The following SNTG2 variants were observed in gnomAD, a reference collection of about 807,000 sequenced individuals.
The protein encoded by SNTG2 is gamma-2-syntrophin.
In SNTG2, 74 loss-of-function variants were observed where a neutral mutation model predicts 70.9. The observed-to-expected ratio is 1.04, with a 90% confidence interval of 0.86 to 1.27. SNTG2 has a LOEUF of 1.27. Ranked by LOEUF, SNTG2 falls within the 50% of genes most tolerant of loss-of-function variation. The pLI, the probability that SNTG2 is intolerant of heterozygous loss-of-function variation, is 0.00. For synonymous variants in SNTG2, 278 were observed against 273.8 expected (o/e 1.02, Z -0.15); for missense variants, 717 against 690.7 (o/e 1.04, Z -0.43).
intron 14 of SNTG2, among the ~76,000 whole-genome samples, chr2:1,269,560 G>A (rs1250087862): frequency 4.6e-5 from 7 of 152,082 alleles, no homozygotes; most frequent in Admixed American, 1.3e-4. Context: ...TGGGGTCAGA[G>A]CTGGGGTTGG....
chr2:1,233,820 A>G (rs1484362950), intron 9 of SNTG2, among the ~76,000 whole-genome samples: 2 of 151,908 alleles, frequency 1.3e-5, no homozygotes, highest in Non-Finnish European at 2.9e-5. Context: ...AGGAGGGTAG[A>G]CTTTTCAAAA....
chr2:1,070,778 G>A (rs1461465456), intron 1 of SNTG2, among the ~76,000 whole-genome samples: 1 of 152,198 alleles, frequency 6.6e-6, no homozygotes, highest in Non-Finnish European at 1.5e-5. Context: ...ATTTTACTAC[G>A]ATAATTTCTG....
chr2:1,093,395 A>T (rs1199428529), intron 2 of SNTG2, among the ~76,000 whole-genome samples: 1 of 152,216 alleles, frequency 6.6e-6, no homozygotes, highest in Non-Finnish European at 1.5e-5. Flanking sequence ...TAAAATAATT[A>T]GGATGCAGGA....
At chr2:1,312,224 T>C (rs879259606) in intron 15 of SNTG2, among the ~76,000 whole-genome samples, 20 of 152,160 alleles carry the variant, frequency 1.3e-4, no homozygotes, top group Non-Finnish European at 2.4e-4. Flanking sequence ...AGTTTTTTTT[T>C]TAATTAAAGA....
chr2:1,281,510 G>C (rs1384650026), intron 14 of SNTG2, among the ~76,000 whole-genome samples: 2 of 146,816 alleles, frequency 1.4e-5, no homozygotes, highest in African/African-American at 5.0e-5. Context: ...TTTATGTGGT[G>C]TGTTGTGTGG....
intron 4 of SNTG2, among the ~76,000 whole-genome samples, chr2:1,135,593 A>G (rs774777044): frequency 7.9e-5 from 12 of 152,122 alleles, no homozygotes; most frequent in Non-Finnish European, 1.6e-4. Flanking sequence ...GTGGTGGTGC[A>G]TGTCTGTAAT....
chr2:951,020 C>G lies in SNTG2; in HGVS notation c.24C>G (p.Pro8=). 1.6e-6 allele frequency: 2 copies of G among 1,265,884 alleles called. No homozygotes were observed. The highest frequency in any genetic ancestry group is 6.2e-5 in the East Asian group (2 of 32,038). The allele number at this position is 1,265,884 out of a possible 1,614,324, so 78.4% of individuals were successfully genotyped here. A position where few individuals can be genotyped will look rare whatever the true frequency, so the allele number is the denominator to read the frequency against. Residue 8 remains proline (P), a synonymous_variant, in exon 1 of 17, where the codon CCC becomes CCG. Coordinates refer to ENST00000308624, the MANE Select transcript of SNTG2 (RefSeq NM_018968.4). MGTEGPP[P]PAASRGRQGC... Reference sequence around the variant, plus strand: ...CGATGGGCACCGAGGGACCCCCGCCCCCGGCCGCCTCCCGCGGACGCCAGG... The same window carrying G: ...CGATGGGCACCGAGGGACCCCCGCCGCCGGCCGCCTCCCGCGGACGCCAGG...
chr2:1,229,862 C>T (rs191268641), intron 9 of SNTG2, among the ~76,000 whole-genome samples: 206 of 152,328 alleles, frequency 1.4e-3, no homozygotes, highest in African/African-American at 4.7e-3. Context: ...CCTTATTGCC[C>T]GAGGCCGGCA....
intron 9 of SNTG2, among the ~76,000 whole-genome samples, chr2:1,228,285 C>T (rs796246544): frequency 6.6e-6 from 1 of 152,230 alleles, no homozygotes; most frequent in African/African-American, 2.4e-5. Context: ...AAATATGGTT[C>T]TCTTAGGATC....
chr2:1,054,540 C>T (rs1040868256), intron 1 of SNTG2, among the ~76,000 whole-genome samples: 1 of 152,162 alleles, frequency 6.6e-6, no homozygotes, highest in African/African-American at 2.4e-5. Context: ...GGATGCAGTC[C>T]TACATGGCTA....
intron 1 of SNTG2, among the ~76,000 whole-genome samples, chr2:1,022,518 C>CGAGTCCCTGAGTTCCT (rs1402193355): frequency 2.0e-5 from 3 of 151,884 alleles, no homozygotes; most frequent in African/African-American, 7.3e-5. Flanking sequence ...CCTGAGTTCC[C>CGAGTCCCTGAGTTCCT]GTGAGTCCTT....
chr2:1,021,009 T>G (rs1392124092), intron 1 of SNTG2, among the ~76,000 whole-genome samples: 2 of 152,174 alleles, frequency 1.3e-5, no homozygotes, highest in Non-Finnish European at 2.9e-5. Context: ...GAAGAATAGC[T>G]TTTCCTCATC....
At chr2:1,003,956 A>G (rs1659487081) in intron 1 of SNTG2, among the ~76,000 whole-genome samples, 1 of 152,174 alleles carries the variant, frequency 6.6e-6, no homozygotes, top group Non-Finnish European at 1.5e-5. Flanking sequence ...GGCTTCTGAA[A>G]TCCCCATGCA....
intron 1 of SNTG2, among the ~76,000 whole-genome samples, chr2:1,044,144 G>A (rs555746605): frequency 2.0e-5 from 3 of 151,608 alleles, no homozygotes; most frequent in Admixed American, 6.6e-5. Context: ...CCCCCACCCC[G>A]GTTAGCTGTA....
chr2:1,260,962 G>C (rs62108061), intron 13 of SNTG2, among the ~76,000 whole-genome samples: 14,117 of 152,084 alleles, frequency 0.093, 720 homozygotes, highest in South Asian at 0.15. Context: ...TCATTAGTAA[G>C]CTATAGAGCC....
chr2:1,355,194 A>G (rs1558227909), intron 16 of SNTG2, among the ~76,000 whole-genome samples: 2 of 152,202 alleles, frequency 1.3e-5, no homozygotes, highest in Non-Finnish European at 2.9e-5. Flanking sequence ...GTATTTGTTT[A>G]TGTGTGGTAA....
At chr2:1,042,722 A>G (rs1661508475) in intron 1 of SNTG2, among the ~76,000 whole-genome samples, 1 of 152,184 alleles carries the variant, frequency 6.6e-6, no homozygotes, top group South Asian at 2.1e-4. Context: ...ATGACTGCAT[A>G]GTATTCCATG....
At chr2:1,069,627 C>T (rs987588477) in intron 1 of SNTG2, among the ~76,000 whole-genome samples, 5 of 151,878 alleles carry the variant, frequency 3.3e-5, no homozygotes, top group Non-Finnish European at 7.4e-5. Flanking sequence ...CCTGTCTGTA[C>T]TAAAAATACA....
chr2:1,305,212 G>A (rs1035641901), intron 14 of SNTG2, among the ~76,000 whole-genome samples: 1 of 152,186 alleles, frequency 6.6e-6, no homozygotes, highest in Non-Finnish European at 1.5e-5. Context: ...TAGATCAAAT[G>A]TTATTCTAGT....
Sources: gnomAD v4.1 joint callset for allele counts (sites outside exome capture counted in the v4.1 genomes callset) on GRCh38, gnomAD v4.1.1 for gene constraint, MANE v1.5 for transcripts, NCBI Gene and HGNC (gene_info 2026-07-23, HGNC 2026-07-21) for gene names.